PDE6A: variants seen among roughly 807,000 people sequenced by gnomAD.
The protein encoded by PDE6A is phosphodiesterase 6A, also known as rod cGMP-specific 3',5'-cyclic phosphodiesterase subunit alpha.
PDE6A carries 84 observed loss-of-function variants against 106.3 expected under a neutral mutation model. The ratio of observed to expected loss-of-function variants is 0.79; its 90% confidence interval spans 0.66 to 0.95. The LOEUF (loss-of-function observed/expected upper bound fraction) is 0.95, where lower values mean the gene tolerates loss of function less well. Among genes scored for constraint, PDE6A ranks in the 40% least tolerant of loss-of-function variants. PDE6A has a pLI of 0.00. For missense variants in PDE6A, 1,052 were observed against 1,084.9 expected (o/e 0.97, Z 0.43); for synonymous variants, 394 against 386.6 (o/e 1.02, Z -0.23).
At chr5:149,873,975 C>T (rs1760648673) in intron 17 of PDE6A, among the ~76,000 whole-genome samples, 1 of 150,114 alleles carries the variant, frequency 6.7e-6, no homozygotes, top group Non-Finnish European at 1.5e-5. Context: ...CACCACACTT[C>T]AGTCTGAGCA....
At chr5:149,865,701 A>G (rs1286471954) in intron 20 of PDE6A, among the ~76,000 whole-genome samples, 2 of 152,250 alleles carry the variant, frequency 1.3e-5, no homozygotes, top group Non-Finnish European at 2.9e-5. Flanking sequence ...CTCATGTGTA[A>G]CATGGCCAAA....
intron 17 of PDE6A, among the ~76,000 whole-genome samples, chr5:149,880,454 T>C (rs1396859736): frequency 9.9e-5 from 15 of 152,178 alleles, no homozygotes; most frequent in Admixed American, 9.8e-4. Flanking sequence ...CTCACACCTG[T>C]AATCCCAGCA....
chr5:149,920,474 G>A (rs1418487281), intron 5 of PDE6A, among the ~76,000 whole-genome samples: 5 of 152,228 alleles, frequency 3.3e-5, no homozygotes, highest in Admixed American at 6.5e-5. Context: ...CTAGCTACTC[G>A]GGAGGCTGAG....
intron 17 of PDE6A, among the ~76,000 whole-genome samples, chr5:149,877,594 G>C (rs1303234912): frequency 6.6e-6 from 1 of 152,116 alleles, no homozygotes; most frequent in African/African-American, 2.4e-5. Flanking sequence ...ATTTTTAGTA[G>C]AGATGGAGAC....
At chr5:149,901,823 A>G (rs1378119092) in intron 8 of PDE6A, among the ~76,000 whole-genome samples, 1 of 152,202 alleles carries the variant, frequency 6.6e-6, no homozygotes, top group Non-Finnish European at 1.5e-5. Context: ...GCTTTTTCAT[A>G]ATGTTCTTGA....
At chr5:149,880,725 A>G (rs139110354) in intron 17 of PDE6A, among the ~76,000 whole-genome samples, 8 of 152,134 alleles carry the variant, frequency 5.3e-5, no homozygotes, top group African/African-American at 1.9e-4. Flanking sequence ...AAGCACAAGC[A>G]AAAGTCAATA....
At chr5:149,895,778 A>T (rs1012990013) in intron 12 of PDE6A, among the ~76,000 whole-genome samples, 6 of 151,324 alleles carry the variant, frequency 4.0e-5, no homozygotes, top group East Asian at 1.9e-4. Context: ...TGTGTGTGTG[A>T]GAGAGAGAGA....
chr5:149,942,662 A>C (rs1197975606), intron 1 of PDE6A, among the ~76,000 whole-genome samples: 1 of 151,948 alleles, frequency 6.6e-6, no homozygotes. Flanking sequence ...TTTATTGATC[A>C]CTATCTCTAC....
At chr5:149,921,224 C>T (rs986415374) in intron 5 of PDE6A, among the ~76,000 whole-genome samples, 3 of 152,030 alleles carry the variant, frequency 2.0e-5, no homozygotes, top group Non-Finnish European at 2.9e-5. Flanking sequence ...GTTTGGTCTA[C>T]CCCGCAAGGT....
chr5:149,929,025 A>T (rs1475868503), intron 4 of PDE6A, among the ~76,000 whole-genome samples: 2 of 152,198 alleles, frequency 1.3e-5, no homozygotes, highest in Non-Finnish European at 2.9e-5. Flanking sequence ...CCCTTGATAC[A>T]TTGCTGGTGA....
rs529115468 is a variant in PDE6A, at chr5:149,862,134, CAG to C, written c.2506+983_2506+984del. Among the ~76,000 whole-genome samples, 293 of 152,166 alleles carry C rather than the reference CAG, an allele frequency of 1.9e-3. 2 individuals are homozygous for C. The highest frequency in any genetic ancestry group is 6.6e-3 in the African/African-American group (272 of 41,506). ...GGATGGGTGTGCAAAGGAGGGCAGTCAGGGTGAGGGAGGGACAAGATGCCATG... is the reference window on the plus strand; with the variant it reads ...GGATGGGTGTGCAAAGGAGGGCAGTCGGTGAGGGAGGGACAAGATGCCATG... On this transcript the variant is annotated intron_variant, in intron 21 of 21. Coordinates refer to ENST00000255266, the MANE Select transcript of PDE6A (RefSeq NM_000440.3).
chr5:149,862,974 G>T lies in PDE6A; in HGVS notation c.2506+145C>A, dbSNP rs1760195539. 12 of 1,024,990 alleles carry T rather than the reference G, an allele frequency of 1.2e-5. No homozygotes were observed. The East Asian group carries it at 2.4e-4, about 20-fold the overall frequency. 63.5% of individuals were successfully genotyped at this position (1,024,990 alleles called of 1,614,324 possible). The stretch of plus-strand genomic sequence containing the variant: ...GTGTGACTTGGTCTCTTCCAGCCTT[G>T]GTGCTCTCACACACAGAATGGGGAC... On this transcript the variant is annotated intron_variant, in intron 21 of 21. Transcript: ENST00000255266.
At chr5:149,868,643 T>C (rs543537578) in intron 17 of PDE6A, among the ~76,000 whole-genome samples, 5 of 152,198 alleles carry the variant, frequency 3.3e-5, no homozygotes, top group African/African-American at 9.6e-5. Flanking sequence ...GTTTCTCAAC[T>C]TTTTTTCTCA....
At chr5:149,922,171 C>T (rs1469390560) in intron 4 of PDE6A, among the ~76,000 whole-genome samples, 1 of 151,910 alleles carries the variant, frequency 6.6e-6, no homozygotes, top group Non-Finnish European at 1.5e-5. Context: ...ATGTTACAGA[C>T]GTGTGTGTGC....
chr5:149,910,973 C>T lies in PDE6A; in HGVS notation c.999-3595G>A, dbSNP rs1046442721. On this transcript the variant is annotated intron_variant, in intron 6 of 21. Coordinates refer to ENST00000255266, the MANE Select transcript of PDE6A (RefSeq NM_000440.3). The stretch of plus-strand genomic sequence containing the variant: ...TGGCTCACTGTAGCCTCCACCTCCC[C>T]GGCTCAAGTGATCCTCCTGCCTCAG... Among the ~76,000 whole-genome samples, 14 of 150,024 alleles carry T rather than the reference C, an allele frequency of 9.3e-5. No homozygotes were observed. The South Asian group carries it at 1.5e-3, about 16-fold the overall frequency.
chr5:149,876,571 C>T (rs1030497748), intron 17 of PDE6A, among the ~76,000 whole-genome samples: 4 of 151,958 alleles, frequency 2.6e-5, no homozygotes, highest in Non-Finnish European at 4.4e-5. Flanking sequence ...GGTTCCATAC[C>T]GGCTCACTGC....
rs1753071708 is a variant in PDE6A at position 149,903,672 on chromosome 5, A to G, written c.1089T>C (p.Pro363=). 1.2e-6 allele frequency: 2 copies of G among 1,613,924 alleles called. No homozygotes were observed. Among genetic ancestry groups the G allele is most frequent in the Non-Finnish European group, 1.7e-6 (2 of 1,179,812 alleles). ...CCTGAAATGCAAAAAAGTCCTCCGC[A>G]GGCGCATTCATGATGTTGCAAATCT... ...NGLICNIMNA[P]AEDFFAFQKE... The change falls in exon 8 of 22, where the codon CCT becomes CCC. Residue 363 remains proline (P), a synonymous_variant. Transcript: ENST00000255266.
intron 8 of PDE6A, among the ~76,000 whole-genome samples, chr5:149,900,161 C>T (rs11746947): frequency 1.3e-5 from 2 of 151,702 alleles, no homozygotes; most frequent in Non-Finnish European, 2.9e-5. Flanking sequence ...TGAGACCAGC[C>T]TGAAGAACAT....
intron 4 of PDE6A, among the ~76,000 whole-genome samples, chr5:149,928,613 G>A (rs1222656827): frequency 6.6e-6 from 1 of 152,096 alleles, no homozygotes; most frequent in Non-Finnish European, 1.5e-5. Context: ...TGTGAAGAAT[G>A]CGTTGCACTA....
Sources: allele counts gnomAD v4.1 joint callset (sites outside exome capture counted in the v4.1 genomes callset), GRCh38; gene constraint gnomAD v4.1.1; transcripts MANE v1.5; gene names NCBI Gene and HGNC (gene_info 2026-07-23, HGNC 2026-07-21).